Variants in SCAMP1 observed in about 807,000 individuals in gnomAD.
SCAMP1 encodes secretory carrier membrane protein 1.
Under a neutral mutation model 41.8 loss-of-function variants are expected in SCAMP1, and 15 were observed. The observed-to-expected ratio is 0.36, with a 90% CI of 0.24 to 0.55. The LOEUF (loss-of-function observed/expected upper bound fraction) is 0.55. Among genes scored for constraint, SCAMP1 ranks in the 20% least tolerant of loss-of-function variants. SCAMP1 has a pLI of 0.86. For synonymous variants in SCAMP1, 135 were observed against 136.8 expected, an observed-to-expected ratio of 0.99 and a Z score of 0.09; for missense variants, 341 against 412.6, an observed-to-expected ratio of 0.83 and a Z score of 1.50.
chr5:78,404,629 C>A (rs1418484587), intron 2 of SCAMP1, among the ~76,000 whole-genome samples: 2 of 152,016 alleles, frequency 1.3e-5, no homozygotes, highest in Non-Finnish European at 2.9e-5. Flanking sequence ...AAGTTGTTTT[C>A]TTCTTTCTTA....
At chr5:78,471,238 G>T (rs1190513003) in intron 8 of SCAMP1, among the ~76,000 whole-genome samples, 2 of 152,174 alleles carry the variant, frequency 1.3e-5, no homozygotes, top group South Asian at 4.1e-4. Flanking sequence ...GCCATAGCTA[G>T]TTCAGGCACA....
chr5:78,433,270 CT>C (rs1326344414), intron 6 of SCAMP1, among the ~76,000 whole-genome samples: 1 of 152,044 alleles, frequency 6.6e-6, no homozygotes, highest in East Asian at 1.9e-4. Context: ...GACAGTGTGT[CT>C]TTTTTTTCTT....
At chr5:78,445,506 AT>A (rs1210089192) in intron 6 of SCAMP1, among the ~76,000 whole-genome samples, 8 of 152,206 alleles carry the variant, frequency 5.3e-5, no homozygotes, top group African/African-American at 1.7e-4. Context: ...TTATTTTTAA[AT>A]CTATATTTCT....
chr5:78,443,869 C>G (rs934748428), intron 6 of SCAMP1, among the ~76,000 whole-genome samples: 2 of 151,916 alleles, frequency 1.3e-5, no homozygotes, highest in African/African-American at 4.8e-5. Context: ...TTGCCCCACG[C>G]TGGTCTTGAA....
intron 2 of SCAMP1, among the ~76,000 whole-genome samples, chr5:78,395,316 C>T (rs1034555611): frequency 3.3e-5 from 5 of 152,154 alleles, no homozygotes; most frequent in Non-Finnish European, 4.4e-5. Context: ...CATGAACCCC[C>T]GACCCTATTG....
chr5:78,456,150 T>C (rs1248279361), intron 7 of SCAMP1, among the ~76,000 whole-genome samples: 1 of 123,386 alleles, frequency 8.1e-6, no homozygotes, highest in Non-Finnish European at 1.7e-5. Flanking sequence ...TTTGCCAGTC[T>C]GTGTCTTTTA....
At position 78,480,549 on chromosome 5, in the gene SCAMP1, G is replaced by C. The variant is rs1165954566; in HGVS notation, c.*4881G>C. 6.6e-6 allele frequency among the ~76,000 whole-genome samples: 1 copy of C among 152,162 alleles called. No homozygotes were observed. The highest frequency in any genetic ancestry group is 1.5e-5 in the Non-Finnish European group (1 of 68,032). On this transcript the variant is annotated 3_prime_UTR_variant, in exon 9 of 9. Transcript: ENST00000621999. ...GGATGGGGGAAAACACCAAAAATCAGTGTCTTTTATCTGGTGATCACTGTG... is the reference window on the plus strand; with the variant it reads ...GGATGGGGGAAAACACCAAAAATCACTGTCTTTTATCTGGTGATCACTGTG...
At chr5:78,411,852 C>G (rs1025845892) in intron 2 of SCAMP1, among the ~76,000 whole-genome samples, 2 of 152,058 alleles carry the variant, frequency 1.3e-5, no homozygotes, top group Admixed American at 1.3e-4. Flanking sequence ...CCAAATTGTG[C>G]TCCAGGATTG....
chr5:78,469,755 A>C (rs1280101086), intron 8 of SCAMP1, among the ~76,000 whole-genome samples: 1 of 151,834 alleles, frequency 6.6e-6, no homozygotes, highest in African/African-American at 2.4e-5. Flanking sequence ...TAGACTGTGC[A>C]TGGTGGTTCA....
At chr5:78,375,182 A>G (rs1751036469) in intron 1 of SCAMP1, among the ~76,000 whole-genome samples, 1 of 152,150 alleles carries the variant, frequency 6.6e-6, no homozygotes, top group Non-Finnish European at 1.5e-5. Flanking sequence ...GTCTTGACTG[A>G]ACCAAGCAGA....
At chr5:78,405,853 G>A (rs559903545) in intron 2 of SCAMP1, among the ~76,000 whole-genome samples, 11 of 152,146 alleles carry the variant, frequency 7.2e-5, no homozygotes, top group South Asian at 4.1e-4. Flanking sequence ...TATTACACAC[G>A]TCCTTCCCCA....
chr5:78,397,527 TGAAAAG>T (rs1751682520), intron 2 of SCAMP1, among the ~76,000 whole-genome samples: 1 of 152,044 alleles, frequency 6.6e-6, no homozygotes, highest in African/African-American at 2.4e-5. Context: ...ATCAAGAGAG[TGAAAAG>T]ACAGCTCACA....
chr5:78,475,593 G>A lies in SCAMP1; in HGVS notation c.942G>A (p.Gln314=). ...GTGTGATGTCCAACAAAACTGTCCA[G>A]ACCGCAGCTGCAAATGCAGCTTCAA... ...ATGVMSNKTV[Q]TAAANAASTA... is the part of the protein sequence containing the mutation. The change falls in exon 9 of 9, where the codon CAG becomes CAA. Residue 314 remains glutamine (Q), a synonymous_variant. Coordinates refer to ENST00000621999, the MANE Select transcript of SCAMP1 (RefSeq NM_004866.6). 6.2e-7 allele frequency: 1 copy of A among 1,608,800 alleles called. No homozygotes were observed. The highest frequency in any genetic ancestry group is 8.5e-7 in the Non-Finnish European group (1 of 1,177,822).
intron 4 of SCAMP1, among the ~76,000 whole-genome samples, chr5:78,418,563 A>G (rs1282725792): frequency 1.3e-5 from 2 of 152,150 alleles, no homozygotes; most frequent in South Asian, 2.1e-4. Flanking sequence ...TTATTTTACT[A>G]TCTAATGTGC....
rs1561249691 is a variant in SCAMP1 at position 78,371,562 on chromosome 5, A to G, written c.57+10834A>G. 2.6e-5 allele frequency among the ~76,000 whole-genome samples: 4 copies of G among 152,212 alleles called. No individual in the cohort carries two copies. The South Asian group carries it at 6.2e-4, about 24-fold the overall frequency. ...GCCTTGCAAATACCTGGTAGTCACC[A>G]GGTTTTCTGAGTATATATTAACTTG... On this transcript the variant is annotated intron_variant, in intron 1 of 8. Transcript: ENST00000621999.
chr5:78,419,575 C>A (rs370746857), intron 5 of SCAMP1, among the ~76,000 whole-genome samples: 1 of 152,160 alleles, frequency 6.6e-6, no homozygotes, highest in African/African-American at 2.4e-5. Flanking sequence ...CTCTCTGTTT[C>A]ATTTTTATTC....
chr5:78,457,929 G>C lies in SCAMP1; in HGVS notation c.735-1316G>C, dbSNP rs192443974. 7.5e-3 allele frequency: 1,143 copies of C among 153,206 alleles called. 2 individuals carry two copies. The highest frequency in any genetic ancestry group is 0.012 in the Non-Finnish European group (799 of 68,726). 9.5% of individuals were successfully genotyped at this position (153,206 alleles called of 1,614,324 possible). On this transcript the variant is annotated intron_variant, in intron 7 of 8. Coordinates refer to ENST00000621999, the MANE Select transcript of SCAMP1 (RefSeq NM_004866.6). ...CCGGTCCGAAAGGCGCAATATTCGG[G>C]TGGGAGTGACCCGATTTTCCAGGTG...
intron 2 of SCAMP1, among the ~76,000 whole-genome samples, chr5:78,391,019 C>T (rs1751478492): frequency 6.6e-6 from 1 of 151,178 alleles, no homozygotes; most frequent in Admixed American, 6.6e-5. Context: ...TTTCTTAGTA[C>T]AGAACAAAAT....
intron 2 of SCAMP1, among the ~76,000 whole-genome samples, chr5:78,391,354 G>A (rs1248697917): frequency 2.0e-5 from 3 of 151,338 alleles, no homozygotes; most frequent in South Asian, 2.1e-4. Context: ...CAGTAGGGGC[G>A]GCCGGGCAGA....
Sources: gnomAD v4.1 joint callset for allele counts (sites outside exome capture counted in the v4.1 genomes callset) on GRCh38, gnomAD v4.1.1 for gene constraint, MANE v1.5 for transcripts, NCBI Gene and HGNC (gene_info 2026-07-23, HGNC 2026-07-21) for gene names.